The following ELF1 variants were observed in gnomAD, a reference collection of about 807,000 sequenced individuals.
The protein encoded by ELF1 is E74 like ETS transcription factor 1, also known as ETS-related transcription factor Elf-1.
Under a neutral mutation model 59.9 loss-of-function variants are expected in ELF1, and 24 were observed. The ratio of observed to expected loss-of-function variants is 0.40; its 90% confidence interval spans 0.29 to 0.56. The LOEUF (loss-of-function observed/expected upper bound fraction) is 0.56. Ranked by LOEUF, ELF1 falls within the 20% of genes least tolerant of loss-of-function variation. The pLI is 0.44. For synonymous variants in ELF1, 248 were observed against 266.2 expected, an observed-to-expected ratio of 0.93 and a Z score of 0.67; for missense variants, 627 against 742.2, an observed-to-expected ratio of 0.84 and a Z score of 1.80.
At chr13:41,018,766 G>C (rs1313665234) in intron 1 of ELF1, among the ~76,000 whole-genome samples, 3 of 152,052 alleles carry the variant, frequency 2.0e-5, no homozygotes, top group African/African-American at 7.2e-5. Flanking sequence ...TGGCTGAGTT[G>C]TCCCAAAACT....
chr13:40,984,438 T>C (rs922021123), intron 1 of ELF1, among the ~76,000 whole-genome samples: 2 of 152,238 alleles, frequency 1.3e-5, no homozygotes, highest in African/African-American at 4.8e-5. Flanking sequence ...TTGGTGTGTG[T>C]GCATTTGTGA....
intron 1 of ELF1, among the ~76,000 whole-genome samples, chr13:41,046,160 T>C (rs1876834965): frequency 6.6e-6 from 1 of 152,202 alleles, no homozygotes; most frequent in African/African-American, 2.4e-5. Flanking sequence ...CATCCCTTTA[T>C]TTTGAGCCTA....
chr13:41,029,356 G>A (rs1876074264), intron 1 of ELF1, among the ~76,000 whole-genome samples: 1 of 152,162 alleles, frequency 6.6e-6, no homozygotes, highest in African/African-American at 2.4e-5. Flanking sequence ...TTTTGGGTAT[G>A]TCTGTGAGGA....
At chr13:40,954,437 G>A (rs79339012) in intron 3 of ELF1, among the ~76,000 whole-genome samples, 4 of 42,906 alleles carry the variant, frequency 9.3e-5, no homozygotes, top group Non-Finnish European at 3.2e-4. Context: ...CTCTCCCCAC[G>A]GTCTCCCTCT....
At chr13:40,947,866 A>G (rs1304644951) in intron 5 of ELF1, among the ~76,000 whole-genome samples, 1 of 152,228 alleles carries the variant, frequency 6.6e-6, no homozygotes, top group Non-Finnish European at 1.5e-5. Flanking sequence ...TTAAATAGAA[A>G]CTTTACATAG....
intron 8 of ELF1, among the ~76,000 whole-genome samples, chr13:40,939,785 A>ACAATTCAAAATC: frequency 6.6e-6 from 1 of 152,212 alleles, no homozygotes; most frequent in South Asian, 2.1e-4. Flanking sequence ...GTATAATGCA[A>ACAATTCAAAATC]CGATTCAAAA....
At chr13:41,012,669 G>C (rs914755224) in intron 1 of ELF1, among the ~76,000 whole-genome samples, 1 of 150,230 alleles carries the variant, frequency 6.7e-6, no homozygotes, top group South Asian at 2.1e-4. Flanking sequence ...TCAGCTTCTC[G>C]AGTAGCTGGA....
At chr13:40,978,607 T>A (rs947758958) in intron 2 of ELF1, among the ~76,000 whole-genome samples, 99 of 152,200 alleles carry the variant, frequency 6.5e-4, no homozygotes, top group African/African-American at 2.4e-3. Flanking sequence ...AAAATGTCAA[T>A]GATTCTAATG....
Position 40,933,159 on chromosome 13 carries a change from T to C in ELF1, c.*266A>G, listed in dbSNP as rs1224958181. The C allele has an allele frequency of 5.3e-6, 2 of 378,038 alleles. No individual in the cohort carries two copies. Among genetic ancestry groups the C allele is most frequent in the East Asian group, 4.6e-5 (1 of 21,912 alleles). The allele number at this position is 378,038 out of a possible 1,614,324, so 23.4% of individuals were successfully genotyped here. A position where few individuals can be genotyped will look rare whatever the true frequency, so the allele number is the denominator to read the frequency against. On this transcript the variant is annotated 3_prime_UTR_variant, in exon 9 of 9. Transcript: ENST00000239882. ...AGAAAAGAAACTTTAAAAATGCTTA[T>C]GATATAGCAACTGAAATAAAAATCT... is the stretch of plus-strand genomic sequence containing the variant.
chr13:40,955,441 C>G (rs368448109), intron 3 of ELF1, among the ~76,000 whole-genome samples: 1 of 112,526 alleles, frequency 8.9e-6, no homozygotes, highest in East Asian at 2.6e-4. Flanking sequence ...GCCCCCCGCC[C>G]GGCCAGCCGC....
intron 1 of ELF1, chr13:41,060,728 T>A (rs2324781): frequency 0.013 from 2,110 of 162,426 alleles, 31 homozygotes; most frequent in Non-Finnish European, 0.018. Context: ...AAAAGAAAAA[T>A]AAGGAAGCGT....
chr13:40,994,196 C>G (rs1874018293), intron 1 of ELF1, among the ~76,000 whole-genome samples: 1 of 152,160 alleles, frequency 6.6e-6, no homozygotes, highest in South Asian at 2.1e-4. Context: ...CTTGGACTAA[C>G]CTGGTATCAG....
chr13:40,983,473 C>G (rs1031424605), intron 1 of ELF1, among the ~76,000 whole-genome samples: 8 of 152,124 alleles, frequency 5.3e-5, no homozygotes, highest in African/African-American at 1.9e-4. Flanking sequence ...TAGGGGTCAT[C>G]ATGGATGACT....
chr13:41,038,244 C>T (rs1876465653), intron 1 of ELF1, among the ~76,000 whole-genome samples: 1 of 152,088 alleles, frequency 6.6e-6, no homozygotes, highest in Non-Finnish European at 1.5e-5. Context: ...AATCCCAGCA[C>T]TTTGGGCAGT....
intron 1 of ELF1, among the ~76,000 whole-genome samples, chr13:40,998,884 T>TA (rs200964547): frequency 1.3e-5 from 2 of 152,042 alleles, no homozygotes; most frequent in Non-Finnish European, 2.9e-5. Context: ...CTATCTCTAC[T>TA]AAAAAATACA....
chr13:41,005,454 A>T (rs1190442051), intron 1 of ELF1, among the ~76,000 whole-genome samples: 1 of 150,348 alleles, frequency 6.7e-6, no homozygotes, highest in African/African-American at 2.4e-5. Flanking sequence ...CCTATCCAAA[A>T]AAAAAAAAAA....
intron 1 of ELF1, among the ~76,000 whole-genome samples, chr13:41,049,921 G>T (rs534760457): frequency 3.3e-5 from 5 of 152,250 alleles, no homozygotes; most frequent in African/African-American, 9.6e-5. Flanking sequence ...TCACATATTG[G>T]TGAAATAAGA....
intron 2 of ELF1, among the ~76,000 whole-genome samples, chr13:40,979,748 T>C (rs1267658509): frequency 6.6e-6 from 1 of 152,242 alleles, no homozygotes; most frequent in African/African-American, 2.4e-5. Context: ...GTTTTGTATA[T>C]ATGTATGTTC....
chr13:40,946,535 C>T (rs1870521959), intron 5 of ELF1, among the ~76,000 whole-genome samples: 3 of 152,164 alleles, frequency 2.0e-5, no homozygotes, highest in Admixed American at 6.5e-5. Context: ...ACTGCACAGG[C>T]CCACTTATAT....
Sources: allele counts gnomAD v4.1 joint callset (sites outside exome capture counted in the v4.1 genomes callset), GRCh38; gene constraint gnomAD v4.1.1; transcripts MANE v1.5; gene names NCBI Gene and HGNC (gene_info 2026-07-23, HGNC 2026-07-21).